The following DPP10 variants were observed in gnomAD, a reference collection of about 807,000 sequenced individuals.
The protein encoded by DPP10 is dipeptidyl peptidase like 10.
A neutral mutation model predicts 120.9 loss-of-function variants in DPP10; 33 were observed. That is an observed-to-expected ratio of 0.27 (90% confidence interval 0.21 to 0.37). The LOEUF (loss-of-function observed/expected upper bound fraction) is 0.37. Among genes scored for constraint, DPP10 ranks in the 10% least tolerant of loss-of-function variants. DPP10 has a pLI of 1.00. For missense variants in DPP10, 816 were observed against 942.8 expected, an observed-to-expected ratio of 0.87 and a Z score of 1.76; for synonymous variants, 337 against 326.1, an observed-to-expected ratio of 1.03 and a Z score of -0.36.
At chr2:115,450,718 CAGCTTGAAG>C (rs2073041368) in intron 3 of DPP10, among the ~76,000 whole-genome samples, 1 of 151,800 alleles carries the variant, frequency 6.6e-6, no homozygotes, top group Non-Finnish European at 1.5e-5. Flanking sequence ...GTGTTTTTAG[CAGCTTGAAG>C]AAGCTGCTAA....
chr2:114,975,785 G>C (rs1377052708), intron 1 of DPP10, among the ~76,000 whole-genome samples: 1 of 151,908 alleles, frequency 6.6e-6, no homozygotes, highest in African/African-American at 2.4e-5. Context: ...TGTGTAGCTG[G>C]GATTATAGGC....
chr2:114,925,872 A>G (rs1398664441), intron 1 of DPP10, among the ~76,000 whole-genome samples: 1 of 152,172 alleles, frequency 6.6e-6, no homozygotes, highest in Non-Finnish European at 1.5e-5. Context: ...AAAAGGAAAG[A>G]AGCCTATCCT....
chr2:114,939,765 A>G (rs1268951034), intron 1 of DPP10, among the ~76,000 whole-genome samples: 5 of 152,090 alleles, frequency 3.3e-5, no homozygotes, highest in Admixed American at 1.3e-4. Context: ...CTGTGATTTC[A>G]TTCATTTCTC....
intron 1 of DPP10, among the ~76,000 whole-genome samples, chr2:115,147,596 T>G (rs1328767211): frequency 6.6e-6 from 1 of 152,174 alleles, no homozygotes; most frequent in Non-Finnish European, 1.5e-5. Flanking sequence ...TTCATTATTA[T>G]TATTCTCAAA....
At chr2:114,876,694 G>A (rs984199031) in intron 1 of DPP10, among the ~76,000 whole-genome samples, 1 of 151,964 alleles carries the variant, frequency 6.6e-6, no homozygotes, top group African/African-American at 2.4e-5. Context: ...TAATCCACAG[G>A]AAAGTCCAAC....
At chr2:115,260,330 A>G (rs1004658846) in intron 1 of DPP10, among the ~76,000 whole-genome samples, 62 of 152,254 alleles carry the variant, frequency 4.1e-4, no homozygotes, top group African/African-American at 1.4e-3. Flanking sequence ...AATAATTTGA[A>G]CTTACTTTTC....
At chr2:115,335,540 A>T (rs1366239389) in intron 2 of DPP10, among the ~76,000 whole-genome samples, 1 of 152,042 alleles carries the variant, frequency 6.6e-6, no homozygotes, top group East Asian at 1.9e-4. Context: ...CAGATATTTT[A>T]AAAAGAAAAT....
chr2:114,661,562 C>T (rs1165487370), intron 1 of DPP10, among the ~76,000 whole-genome samples: 9 of 152,210 alleles, frequency 5.9e-5, no homozygotes, highest in Non-Finnish European at 1.3e-4. Context: ...CCACACAGAG[C>T]ATTTCTCCAT....
At position 115,550,343 on chromosome 2, in the gene DPP10, C is replaced by G. The variant is rs181623359; in HGVS notation, c.441+24371C>G. 1.8e-3 allele frequency among the ~76,000 whole-genome samples: 281 copies of G among 152,180 alleles called. 5 individuals carry two copies. Among genetic ancestry groups the G allele is most frequent in the Admixed American group, 0.017 (256 of 15,260 alleles). On this transcript the variant is annotated intron_variant, in intron 5 of 25. Transcript: ENST00000410059. ...TTTTTTTTGTCAAGTTAGAAATTTT[C>G]ATTCTCATACCAATCCCTGTAACAT...
At chr2:114,838,266 A>G (rs564949910) in intron 1 of DPP10, among the ~76,000 whole-genome samples, 3 of 152,324 alleles carry the variant, frequency 2.0e-5, no homozygotes, top group Non-Finnish European at 2.9e-5. Flanking sequence ...CACAGATTCT[A>G]TAGTGGCATT....
chr2:114,522,097 A>C (rs1685112310), intron 1 of DPP10, among the ~76,000 whole-genome samples: 1 of 145,700 alleles, frequency 6.9e-6, no homozygotes, highest in Non-Finnish European at 1.5e-5. Flanking sequence ...CTCCTGCCTC[A>C]GCCTCCCAAG....
At chr2:114,760,121 A>G (rs1680148152) in intron 1 of DPP10, among the ~76,000 whole-genome samples, 1 of 152,142 alleles carries the variant, frequency 6.6e-6, no homozygotes, top group Non-Finnish European at 1.5e-5. Flanking sequence ...CAGGCAGGCG[A>G]TGCCATTGCT....
chr2:114,819,603 G>C (rs1360632125), intron 1 of DPP10, among the ~76,000 whole-genome samples: 1 of 152,202 alleles, frequency 6.6e-6, no homozygotes, highest in African/African-American at 2.4e-5. Context: ...CTTGTTTAAA[G>C]CCTGCGTAAA....
At chr2:114,546,843 T>G (rs568513580) in intron 1 of DPP10, among the ~76,000 whole-genome samples, 38 of 152,244 alleles carry the variant, frequency 2.5e-4, no homozygotes, top group Admixed American at 4.6e-4. Context: ...ATATCTTCTT[T>G]CCTTGGCTAA....
chr2:114,569,833 C>T (rs560708151), intron 1 of DPP10, among the ~76,000 whole-genome samples: 2 of 152,286 alleles, frequency 1.3e-5, no homozygotes, highest in Non-Finnish European at 1.5e-5. Context: ...CACACACACA[C>T]GTGTGCACGC....
intron 1 of DPP10, among the ~76,000 whole-genome samples, chr2:115,306,996 A>T (rs1053358047): frequency 6.6e-6 from 1 of 152,068 alleles, no homozygotes; most frequent in Non-Finnish European, 1.5e-5. Flanking sequence ...TACAAGTGGC[A>T]TTATAGTGGT....
intron 1 of DPP10, among the ~76,000 whole-genome samples, chr2:115,201,002 C>T (rs1388356037): frequency 6.6e-6 from 1 of 152,118 alleles, no homozygotes; most frequent in Non-Finnish European, 1.5e-5. Flanking sequence ...TTCCATGTTC[C>T]TCAATTCATA....
chr2:115,223,337 T>C (rs1433838035), intron 1 of DPP10, among the ~76,000 whole-genome samples: 1 of 152,136 alleles, frequency 6.6e-6, no homozygotes, highest in Non-Finnish European at 1.5e-5. Context: ...TTTCTGCCAA[T>C]GAAAGAGCTA....
chr2:114,523,306 A>T (rs1047271583), intron 1 of DPP10, among the ~76,000 whole-genome samples: 2 of 152,084 alleles, frequency 1.3e-5, no homozygotes, highest in Non-Finnish European at 2.9e-5. Flanking sequence ...TAGGGAAGGG[A>T]TAAATAGGGG....
Sources: allele counts gnomAD v4.1 joint callset (sites outside exome capture counted in the v4.1 genomes callset), GRCh38; gene constraint gnomAD v4.1.1; transcripts MANE v1.5; gene names NCBI Gene and HGNC (gene_info 2026-07-23, HGNC 2026-07-21).